The following FAAH2 variants were observed in gnomAD, a reference collection of about 807,000 sequenced individuals.
The protein encoded by FAAH2 is fatty acid amide hydrolase 2, also known as fatty-acid amide hydrolase 2.
A neutral mutation model predicts 36.9 loss-of-function variants in FAAH2; 60 were observed. The ratio of observed to expected loss-of-function variants is 1.63; its 90% CI spans 1.32 to 2.02. The LOEUF is 2.02. Among genes scored for constraint, FAAH2 ranks in the 30% most tolerant of loss-of-function variants. The probability of loss-of-function intolerance (pLI) is 0.00; values close to 1 mark genes in which losing one functional copy is unlikely to be tolerated. For missense variants in FAAH2, 689 were observed against 397.5 expected (o/e 1.73, Z -6.23); for synonymous variants, 214 against 143.8 (o/e 1.49, Z -3.49).
intron 4 of FAAH2, among the ~76,000 whole-genome samples, chrX:57,339,011 CTAT>C (rs2053624274): frequency 9.0e-6 from 1 of 111,607 alleles, no homozygotes; most frequent in Admixed American, 9.5e-5. Context: ...CAACTTCCAA[CTAT>C]ACTACAGGGC....
At chrX:57,292,653 G>A (rs983797181) in intron 2 of FAAH2, 73 bp downstream of exon 2, 9 of 844,627 alleles carry the variant, frequency 1.1e-5, no homozygotes, top group Non-Finnish European at 1.4e-5. Context: ...TGCCACCTTA[G>A]CATATTTCCT....
chrX:57,231,352 G>T, the FAAH2 span, among the ~76,000 whole-genome samples: 2 of 110,460 alleles, frequency 1.8e-5, no homozygotes, highest in Non-Finnish European at 3.8e-5. Context: ...CATTACTTTA[G>T]ACTCAGCAAA....
chrX:57,301,192 G>A (rs1054906338), intron 2 of FAAH2, among the ~76,000 whole-genome samples: 2 of 109,248 alleles, frequency 1.8e-5, no homozygotes, highest in Non-Finnish European at 3.8e-5. Context: ...ATTCACAATA[G>A]CAAAGACTTG....
the FAAH2 span, among the ~76,000 whole-genome samples, chrX:57,145,970 A>G: frequency 5.4e-5 from 6 of 110,276 alleles, no homozygotes; most frequent in Admixed American, 1.9e-4. Flanking sequence ...GCCTTATAGT[A>G]TAGTTTGAAG....
At chrX:57,301,017 C>T (rs1352341778) in intron 2 of FAAH2, among the ~76,000 whole-genome samples, 1 of 110,887 alleles carries the variant, frequency 9.0e-6, no homozygotes, top group Non-Finnish European at 1.9e-5. Context: ...GTTGGTGGGA[C>T]TGTAAACTAG....
At chrX:57,251,148 C>A in the FAAH2 span, among the ~76,000 whole-genome samples, 2 of 111,768 alleles carry the variant, frequency 1.8e-5, no homozygotes, top group African/African-American at 6.5e-5. Context: ...AAGGATCATA[C>A]AACATAATCA....
chrX:57,472,474 G>C (rs2057188628), intron 10 of FAAH2, among the ~76,000 whole-genome samples: 1 of 111,666 alleles, frequency 9.0e-6, no homozygotes, highest in South Asian at 3.7e-4. Flanking sequence ...TAATATCGTG[G>C]AGATACTGGA....
rs765675475 is a variant in FAAH2 at position 57,341,392 on chromosome X, T to C, written c.742+2T>C. On this transcript the variant is annotated splice_donor_variant, in intron 5 of 10. Transcript: ENST00000374900. LOFTEE classifies it high-confidence loss of function. ...TATTTGGACACAAGCCTTCTCCAGG[T>C]AATGTTAATATGATCAGAAGGGTGG... is the stretch of plus-strand genomic sequence containing the variant. The C allele has an allele frequency of 8.3e-7, 1 of 1,206,832 alleles. No homozygotes were observed. The highest frequency in any genetic ancestry group is 3.0e-5 in the East Asian group (1 of 33,682).
At chrX:57,141,478 A>AT in the FAAH2 span, among the ~76,000 whole-genome samples, 1 of 111,460 alleles carries the variant, frequency 9.0e-6, no homozygotes, top group Admixed American at 9.5e-5. Flanking sequence ...CTCCTATTTG[A>AT]TTTTTTGGAA....
intron 2 of FAAH2, among the ~76,000 whole-genome samples, chrX:57,300,608 T>C (rs2052326611): frequency 9.0e-6 from 1 of 111,506 alleles, no homozygotes; most frequent in Non-Finnish European, 1.9e-5. Context: ...AATTGACAAA[T>C]GGGATCTAAT....
At chrX:57,438,926 T>G (rs2056480545) in intron 8 of FAAH2, among the ~76,000 whole-genome samples, 1 of 110,415 alleles carries the variant, frequency 9.1e-6, no homozygotes, top group Non-Finnish European at 1.9e-5. Context: ...ACAAAGGACA[T>G]GAACTCATCA....
chrX:57,217,158 G>A, the FAAH2 span, among the ~76,000 whole-genome samples: 14 of 108,591 alleles, frequency 1.3e-4, no homozygotes, highest in Admixed American at 3.9e-4. Context: ...GTTTGAGTTC[G>A]TTGTAGAGTC....
chrX:57,165,434 G>T, the FAAH2 span, among the ~76,000 whole-genome samples: 6 of 110,677 alleles, frequency 5.4e-5, no homozygotes, highest in Non-Finnish European at 9.4e-5. Flanking sequence ...GTAAACTATC[G>T]CAAGAACAAA....
intron 5 of FAAH2, 112 bp from the exon 6 acceptor site, chrX:57,378,539 A>T (rs2054746975): frequency 3.2e-5 from 31 of 966,453 alleles, no homozygotes; most frequent in Non-Finnish European, 4.2e-5. Context: ...AGACCTGAAA[A>T]GTTTTAACCA....
chrX:57,479,248 C>T (rs2057332181), intron 10 of FAAH2, among the ~76,000 whole-genome samples: 1 of 111,527 alleles, frequency 9.0e-6, no homozygotes, highest in African/African-American at 3.3e-5. Flanking sequence ...CTCTTTGAAG[C>T]AATTGTGAAT....
the FAAH2 span, chrX:57,121,950 A>C: frequency 9.0e-6 from 1 of 110,814 alleles, no homozygotes; most frequent in Non-Finnish European, 1.9e-5. Flanking sequence ...TGGAGTTGGA[A>C]CAGAGAAATT....
rs934498990 is a variant in FAAH2 at position 57,431,192 on chromosome X, C to A, written c.997-726C>A. 5.4e-5 allele frequency among the ~76,000 whole-genome samples: 6 copies of A among 111,508 alleles called. No homozygotes were observed. In the Admixed American group the frequency reaches 5.7e-4, roughly 11 times the overall value. On this transcript the variant is annotated intron_variant, in intron 7 of 10. Coordinates refer to ENST00000374900, the MANE Select transcript of FAAH2 (RefSeq NM_174912.4). ...TCATACGTATTCCCTGGATTTATGT[C>A]TATATAAATTAGAAAAATAAACATG...
At chrX:57,436,927 AC>A (rs2056422806) in intron 8 of FAAH2, among the ~76,000 whole-genome samples, 1 of 110,995 alleles carries the variant, frequency 9.0e-6, no homozygotes, top group Non-Finnish European at 1.9e-5. Context: ...GAACACAACA[AC>A]CACAGAAAAA....
At chrX:57,360,275 C>T (rs1284267443) in intron 5 of FAAH2, among the ~76,000 whole-genome samples, 2 of 110,725 alleles carry the variant, frequency 1.8e-5, no homozygotes, top group African/African-American at 6.5e-5. Flanking sequence ...ATTCCTCTTC[C>T]CTTTTACTTT....
Sources: allele counts gnomAD v4.1 joint callset (sites outside exome capture counted in the v4.1 genomes callset), GRCh38; gene constraint gnomAD v4.1.1; transcripts MANE v1.5; gene names NCBI Gene and HGNC (gene_info 2026-07-23, HGNC 2026-07-21).